The following TEC variants were observed in gnomAD, a reference collection of about 807,000 sequenced individuals.
TEC encodes the protein tyrosine-protein kinase Tec.
Under a neutral mutation model 93.0 loss-of-function variants are expected in TEC, and 72 were observed. The ratio of observed to expected loss-of-function variants is 0.77; its 90% CI spans 0.64 to 0.94. The LOEUF (loss-of-function observed/expected upper bound fraction) is 0.94, where lower values mean the gene tolerates loss of function less well. Ranked by LOEUF, TEC falls within the 40% of genes least tolerant of loss-of-function variation. The pLI is 0.00. For missense variants in TEC, 630 were observed against 757.9 expected (o/e 0.83, Z 1.98); for synonymous variants, 249 against 247.7 (o/e 1.01, Z -0.05).
chr4:48,231,988 A>G (rs150872465), intron 1 of TEC, among the ~76,000 whole-genome samples: 9 of 151,096 alleles, frequency 6.0e-5, no homozygotes, highest in African/African-American at 2.0e-4. Context: ...TGTCCTGGGG[A>G]AAAAAAATCA....
intron 3 of TEC, among the ~76,000 whole-genome samples, chr4:48,175,841 C>T (rs531152866): frequency 1.3e-5 from 2 of 152,324 alleles, no homozygotes; most frequent in East Asian, 3.9e-4. Context: ...CCTTTCACTT[C>T]TCAGTTTCTC....
intron 2 of TEC, 130 bp downstream of exon 2, chr4:48,228,347 C>T (rs1037836149): frequency 9.7e-7 from 1 of 1,034,992 alleles, no homozygotes; most frequent in Admixed American, 3.5e-5. Context: ...ATTCATCTTT[C>T]AAGTCCAAAT....
At chr4:48,227,385 G>A (rs1458848629) in intron 2 of TEC, among the ~76,000 whole-genome samples, 1 of 152,168 alleles carries the variant, frequency 6.6e-6, no homozygotes, top group Non-Finnish European at 1.5e-5. Flanking sequence ...GCTCATGCCT[G>A]TAATTCTAGC....
intron 1 of TEC, 118 bp from the exon 2 acceptor site, chr4:48,228,777 CT>C: frequency 5.2e-6 from 4 of 770,224 alleles, no homozygotes; most frequent in Non-Finnish European, 5.7e-6. Flanking sequence ...GAGTATTGAT[CT>C]CTGTGCCCAA....
chr4:48,138,963 CA>C lies in TEC; in HGVS notation c.1594del (p.Cys532ValfsTer23). ...GCTGTAATTAAACACTTCAGGTGGA[CA>C]CCACTTCACAGGAAACTTAGCACCA... ...SSGAKFPVKW[C>X]PPEVFNYSRF... On this transcript the variant is annotated frameshift_variant, in exon 16 of 18. Transcript: ENST00000381501. LOFTEE classifies it high-confidence loss of function. 1 of 1,614,216 alleles carries C rather than the reference CA, an allele frequency of 6.2e-7. No homozygotes were observed. Among genetic ancestry groups the C allele is most frequent in the Non-Finnish European group, 8.5e-7 (1 of 1,180,030 alleles).
At chr4:48,266,405 G>T (rs1346896523) in intron 1 of TEC, among the ~76,000 whole-genome samples, 1 of 152,216 alleles carries the variant, frequency 6.6e-6, no homozygotes, top group Non-Finnish European at 1.5e-5. Context: ...GTAGGCTCAG[G>T]AACAGCTTCT....
intron 3 of TEC, among the ~76,000 whole-genome samples, chr4:48,172,837 T>G (rs4695346): frequency 0.38 from 57,665 of 151,970 alleles, 11,965 homozygotes; most frequent in East Asian, 0.9. Context: ...ATTTTCACAT[T>G]TATGCAGGCT....
intron 6 of TEC, 138 bp from the exon 7 acceptor site, chr4:48,168,091 C>T (rs1429206046): frequency 5.5e-6 from 4 of 732,190 alleles, no homozygotes; most frequent in African/African-American, 1.8e-5. Flanking sequence ...AACAAACTCT[C>T]ATGAAGAAGA....
intron 1 of TEC, among the ~76,000 whole-genome samples, chr4:48,261,849 A>G (rs932624506): frequency 3.3e-5 from 5 of 152,160 alleles, no homozygotes; most frequent in African/African-American, 1.2e-4. Context: ...AATCCAAACA[A>G]AAGTGTTCCT....
chr4:48,198,634 A>G (rs1374706020), intron 2 of TEC, among the ~76,000 whole-genome samples: 3 of 152,190 alleles, frequency 2.0e-5, no homozygotes, highest in Non-Finnish European at 4.4e-5. Flanking sequence ...GAAGGCTCCC[A>G]CGTACATGTA....
Position 48,141,128 on chromosome 4 carries a change from CAA to C in TEC, c.1535+225_1535+226del, listed in dbSNP as rs530705629. Among the ~76,000 whole-genome samples the C allele has an allele frequency of 1.7e-3, 262 of 152,096 alleles. 1 individual carries two copies. Among genetic ancestry groups the C allele is most frequent in the African/African-American group, 5.9e-3 (244 of 41,494 alleles). Reference sequence around the variant, plus strand: ...ACCACCAAATATGTTTTTGTGAAAACAAAAGATTCTAGAAATCTAATCCACAC... The same window carrying C: ...ACCACCAAATATGTTTTTGTGAAAACAAGATTCTAGAAATCTAATCCACAC... On this transcript the variant is annotated intron_variant, in intron 15 of 17. Transcript: ENST00000381501.
In TEC at chr4:48,188,887, G is replaced by GCA. The variant is rs1223984052; in HGVS notation, c.139-12702_139-12701insTG. On this transcript the variant is annotated intron_variant, in intron 2 of 17. Coordinates refer to ENST00000381501, the MANE Select transcript of TEC (RefSeq NM_003215.3). ...TGTGTGTGTGCATGTGTGTGTGTGT[G>GCA]TGCGCGCCCATGCATATGCGCGCAC... 1.1e-4 allele frequency among the ~76,000 whole-genome samples: 16 copies of GCA among 152,294 alleles called. No homozygotes were observed. The East Asian group carries it at 2.9e-3, about 28-fold the overall frequency.
chr4:48,224,250 A>C (rs4694890), intron 2 of TEC, among the ~76,000 whole-genome samples: 71,082 of 151,768 alleles, frequency 0.47, 16,876 homozygotes, highest in Admixed American at 0.56. Context: ...AAATTAAGAG[A>C]TCCAAAGTCC....
chr4:48,167,693 C>T (rs988241128), intron 7 of TEC, 85 bp downstream of exon 7: 27 of 1,289,840 alleles, frequency 2.1e-5, no homozygotes, highest in African/African-American at 5.8e-5. Flanking sequence ...TCTCATTACA[C>T]GATAGTTACG....
intron 2 of TEC, among the ~76,000 whole-genome samples, chr4:48,218,387 T>TA (rs1428642976): frequency 6.6e-6 from 1 of 152,146 alleles, no homozygotes; most frequent in Non-Finnish European, 1.5e-5. Context: ...TCAAACTCTC[T>TA]ACCTCCTTAT....
rs150884396 is a variant in TEC, at chr4:48,218,201, A to G, written c.138+10276T>C. ...GTTGATACCACCTAATTTCAGAAACAAAGAAATTCAATTGTCTAAGAATAT... is the reference window on the plus strand; with the variant it reads ...GTTGATACCACCTAATTTCAGAAACGAAGAAATTCAATTGTCTAAGAATAT... On this transcript the variant is annotated intron_variant, in intron 2 of 17. Coordinates refer to ENST00000381501, the MANE Select transcript of TEC (RefSeq NM_003215.3). 7.6e-3 allele frequency among the ~76,000 whole-genome samples: 1,156 copies of G among 152,360 alleles called. 11 individuals carry two copies. Among genetic ancestry groups the G allele is most frequent in the South Asian group, 0.025 (123 of 4,832 alleles).
chr4:48,180,107 T>C (rs1367609507), intron 2 of TEC, among the ~76,000 whole-genome samples: 2 of 152,176 alleles, frequency 1.3e-5, no homozygotes, highest in South Asian at 4.1e-4. Flanking sequence ...CTCTGTGATA[T>C]ATAATCTCCT....
intron 2 of TEC, among the ~76,000 whole-genome samples, chr4:48,208,344 C>A (rs1428366624): frequency 1.3e-5 from 2 of 152,224 alleles, no homozygotes; most frequent in Non-Finnish European, 2.9e-5. Context: ...AAGCTTCTAA[C>A]TGCCAGTTCA....
At chr4:48,242,966 T>C (rs1723958734) in intron 1 of TEC, among the ~76,000 whole-genome samples, 1 of 152,230 alleles carries the variant, frequency 6.6e-6, no homozygotes, top group Non-Finnish European at 1.5e-5. Context: ...TGAGCTCTAA[T>C]GTTGTCTTTA....
Sources: gnomAD v4.1 joint callset for allele counts (sites outside exome capture counted in the v4.1 genomes callset) on GRCh38, gnomAD v4.1.1 for gene constraint, MANE v1.5 for transcripts, NCBI Gene and HGNC (gene_info 2026-07-23, HGNC 2026-07-21) for gene names.